The following ANO2 variants were observed in gnomAD, a reference collection of about 807,000 sequenced individuals.
ANO2 encodes anoctamin 2, also known as anoctamin-2.
ANO2 carries 101 observed loss-of-function variants against 124.2 expected under a neutral mutation model. The ratio of observed to expected loss-of-function variants is 0.81; its 90% CI spans 0.69 to 0.96. The LOEUF is 0.96. ANO2 is among the 40% of genes least tolerant of loss of function. ANO2 has a pLI of 0.00. For missense variants in ANO2, 1,293 were observed against 1,274.5 expected (o/e 1.01, Z -0.22); for synonymous variants, 486 against 482.5 (o/e 1.01, Z -0.09).
intron 10 of ANO2, among the ~76,000 whole-genome samples, chr12:5,754,355 T>C (rs1282709608): frequency 6.6e-6 from 1 of 152,234 alleles, no homozygotes; most frequent in African/African-American, 2.4e-5. Context: ...TCTACGTTCA[T>C]CAGGGATGTT....
chr12:5,748,870 C>CAAA (rs60191649), intron 11 of ANO2, among the ~76,000 whole-genome samples: 26 of 101,568 alleles, frequency 2.6e-4, no homozygotes, highest in East Asian at 1.1e-3. Context: ...CTTCACCCTC[C>CAAA]AAAAAAAAAA....
At chr12:5,620,214 A>C (rs1451851804) in intron 16 of ANO2, among the ~76,000 whole-genome samples, 1 of 152,234 alleles carries the variant, frequency 6.6e-6, no homozygotes, top group Non-Finnish European at 1.5e-5. Flanking sequence ...TCAGAGAGGA[A>C]ATTTCTAAGC....
At chr12:5,638,487 G>A (rs1405961600) in intron 15 of ANO2, among the ~76,000 whole-genome samples, 2 of 140,218 alleles carry the variant, frequency 1.4e-5, no homozygotes, top group Admixed American at 7.0e-5. Context: ...TGCCCACCTC[G>A]GCCTCCCAAA....
chr12:5,593,263 G>A (rs1242724322), intron 20 of ANO2, among the ~76,000 whole-genome samples: 1 of 152,194 alleles, frequency 6.6e-6, no homozygotes, highest in Non-Finnish European at 1.5e-5. Flanking sequence ...TTGCATTTAA[G>A]AAGCTGGGGG....
At chr12:5,734,019 C>T (rs1424096824) in intron 13 of ANO2, among the ~76,000 whole-genome samples, 4 of 152,212 alleles carry the variant, frequency 2.6e-5, no homozygotes, top group East Asian at 1.9e-4. Flanking sequence ...AATCTCTGAA[C>T]GCTTGTAAAG....
chr12:5,827,735 C>T (rs760120965), intron 7 of ANO2, 34 bp downstream of exon 7: 11 of 1,598,162 alleles, frequency 6.9e-6, no homozygotes, highest in African/African-American at 1.3e-5. Context: ...CCTCAGCGCC[C>T]GTCAGCACCC....
At position 5,904,811 on chromosome 12, in the gene ANO2, A is replaced by G. The variant is rs1200399787; in HGVS notation, c.534+16229T>C. 6.6e-6 allele frequency among the ~76,000 whole-genome samples: 1 copy of G among 152,098 alleles called. No homozygotes were observed. Among genetic ancestry groups the G allele is most frequent in the East Asian group, 1.9e-4 (1 of 5,178 alleles). ...CTGATTCTCACCACAAACACAGCCC[A>G]AGGGTAATTAAAAGGTATCTGCAGG... On this transcript the variant is annotated intron_variant, in intron 3 of 24. Transcript: ENST00000682330. This position sits in a 1 kb window ranked among gnomAD's most constrained non-coding sequence, Gnocchi z 4.1.
intron 22 of ANO2, 43 bp from the exon 23 acceptor site, chr12:5,576,058 C>T: frequency 6.6e-7 from 1 of 1,526,436 alleles, no homozygotes; most frequent in Admixed American, 2.0e-5. Flanking sequence ...AGGATTGATG[C>T]TAAAAAGGAC....
chr12:5,628,029 G>C (rs1392354184), intron 16 of ANO2, among the ~76,000 whole-genome samples: 1 of 152,168 alleles, frequency 6.6e-6, no homozygotes, highest in Non-Finnish European at 1.5e-5. Context: ...GAGCTCATGA[G>C]CTCAAGGCTG....
intron 14 of ANO2, among the ~76,000 whole-genome samples, chr12:5,667,903 A>G (rs1480753025): frequency 6.6e-6 from 1 of 152,226 alleles, no homozygotes; most frequent in East Asian, 1.9e-4. Flanking sequence ...CTATGGCTGC[A>G]TAGTATTCCA....
At chr12:5,864,508 C>T (rs527288008) in intron 3 of ANO2, among the ~76,000 whole-genome samples, 1 of 152,338 alleles carries the variant, frequency 6.6e-6, no homozygotes. Flanking sequence ...TGGACAGTCG[C>T]CATCCTGCAA....
At chr12:5,922,947 G>T in intron 1 of ANO2, 143 bp from the exon 2 acceptor site, 1 of 874,554 alleles carries the variant, frequency 1.1e-6, no homozygotes, top group Non-Finnish European at 1.6e-6. Flanking sequence ...AGTCCCTAAA[G>T]CCCAGGTTCA....
In ANO2 at chr12:5,922,625, T is replaced by C; in HGVS notation, c.202A>G (p.Ser68Gly). 1 of 1,213,584 alleles carries C rather than the reference T, an allele frequency of 8.2e-7. No individual in the cohort carries two copies. The allele number at this position is 1,213,584 out of a possible 1,614,324, so 75.2% of individuals were successfully genotyped here. The change falls in exon 2 of 25, where the codon AGC becomes GGC. Residue 68 changes from serine to glycine, a missense_variant. By Grantham distance (56) the Ser-to-Gly change is moderately conservative. Transcript: ENST00000682330. ...QPCGGESTRSSSVINNYLDAN... is the reference protein window; with the variant it reads ...QPCGGESTRSGSVINNYLDAN... ...CACCCCCGCCCAGTACTCACAGAGC[T>C]GCTGCGGGTGCTCTCTCCACCGCAG...
rs535608713 is a variant in ANO2, at chr12:5,931,498, C to T, written c.23-8694G>A. Among the ~76,000 whole-genome samples, 290 of 150,462 alleles carry T rather than the reference C, an allele frequency of 1.9e-3. 1 individual carries two copies. In the South Asian group the frequency reaches 0.021, roughly 11 times the overall value. On this transcript the variant is annotated intron_variant, in intron 1 of 24. Transcript: ENST00000682330. The stretch of plus-strand genomic sequence containing the variant: ...AAGGAAGGCCTATAAGGAAAGAAGG[C>T]AGACGAGTGAGGAAAGAAGACAGAC...
intron 10 of ANO2, among the ~76,000 whole-genome samples, chr12:5,774,940 A>G (rs1377099141): frequency 6.6e-6 from 1 of 152,194 alleles, no homozygotes; most frequent in African/African-American, 2.4e-5. Flanking sequence ...TCCTCCACCA[A>G]GCAAGGAAAG....
chr12:5,911,831 A>G (rs1264808269), intron 3 of ANO2, among the ~76,000 whole-genome samples: 1 of 152,252 alleles, frequency 6.6e-6, no homozygotes, highest in South Asian at 2.1e-4. Flanking sequence ...TCCCGCTCTA[A>G]GATGAAATTG....
chr12:5,610,823 C>CACACACACAT lies in ANO2; in HGVS notation c.2087+1832_2087+1833insATGTGTGTGT, dbSNP rs756945704. Among the ~76,000 whole-genome samples, 288 of 99,478 alleles carry CACACACACAT rather than the reference C, an allele frequency of 2.9e-3. 5 individuals are homozygous for CACACACACAT. The highest frequency in any genetic ancestry group is 8.2e-3 in the African/African-American group (278 of 33,928). 65.3% of individuals were successfully genotyped at this position (99,478 alleles called of 152,430 possible). A position where few individuals can be genotyped will look rare whatever the true frequency, so the allele number is the denominator to read the frequency against. The stretch of plus-strand genomic sequence containing the variant: ...CCAGCCCATCAGAGTTGTCCATACA[C>CACACACACAT]ACACACACACACACACACACACACA... On this transcript the variant is annotated intron_variant, in intron 19 of 24. Transcript: ENST00000682330.
intron 1 of ANO2, among the ~76,000 whole-genome samples, chr12:5,923,228 GCACACATACACA>G (rs1221848587): frequency 2.7e-5 from 2 of 72,844 alleles, no homozygotes; most frequent in Admixed American, 1.2e-4. Context: ...ACACACACAT[GCACACATACACA>G]CACGCATACA....
At chr12:5,744,034 T>A (rs71581004) in intron 12 of ANO2, 123 bp downstream of exon 12, 55,230 of 1,179,276 alleles carry the variant, frequency 0.047, 1,640 homozygotes, top group African/African-American at 0.11. Flanking sequence ...CTTAAAATAC[T>A]TCTTGTGATG....
Sources: allele counts gnomAD v4.1 joint callset (sites outside exome capture counted in the v4.1 genomes callset), GRCh38; gene constraint gnomAD v4.1.1; non-coding constraint Gnocchi (gnomAD v3.1); transcripts MANE v1.5; gene names NCBI Gene and HGNC (gene_info 2026-07-23, HGNC 2026-07-21).